The following UBE2D3 variants were observed in gnomAD, a reference collection of about 807,000 sequenced individuals.
The protein encoded by UBE2D3 is ubiquitin conjugating enzyme E2 D3.
A neutral mutation model predicts 22.8 loss-of-function variants in UBE2D3; 2 were observed. The observed-to-expected ratio is 0.09, with a 90% confidence interval of 0.04 to 0.28. The LOEUF (loss-of-function observed/expected upper bound fraction) is 0.28, where lower values mean the gene tolerates loss of function less well. Ranked by LOEUF, UBE2D3 falls within the 10% of genes least tolerant of loss-of-function variation. The pLI, the probability that UBE2D3 is intolerant of heterozygous loss-of-function variation, is 1.00. For missense variants in UBE2D3, 27 were observed against 182.5 expected (o/e 0.15, Z 4.91); for synonymous variants, 56 against 60.4 (o/e 0.93, Z 0.34).
intron 2 of UBE2D3, chr4:102,810,142 TCA>T: frequency 3.2e-6 from 1 of 313,450 alleles, no homozygotes; most frequent in Non-Finnish European, 5.9e-6. Flanking sequence ...TTAGATATTC[TCA>T]TAGTTTAAGA....
At chr4:102,868,589 G>A in intron 1 of UBE2D3, 1 of 1,183,794 alleles carries the variant, frequency 8.4e-7, no homozygotes, top group Admixed American at 1.8e-5. Context: ...AGTAAAATTA[G>A]GCACTGGGGT....
chr4:102,807,518 T>C (rs1727253832), intron 4 of UBE2D3, among the ~76,000 whole-genome samples: 2 of 152,196 alleles, frequency 1.3e-5, no homozygotes, highest in African/African-American at 2.4e-5. Flanking sequence ...CAGTGAGTAC[T>C]GCTACCAAAG....
chr4:102,798,779 T>G, intron 7 of UBE2D3: 1 of 619,222 alleles, frequency 1.6e-6, no homozygotes. Context: ...ACTTTCACGT[T>G]AAACAGAGAC....
At chr4:102,806,689 A>G (rs1040117997) in intron 4 of UBE2D3, among the ~76,000 whole-genome samples, 1 of 152,138 alleles carries the variant, frequency 6.6e-6, no homozygotes, top group African/African-American at 2.4e-5. Context: ...GGTGGGAGTT[A>G]GTGTTGTTCT....
At chr4:102,804,376 C>CT (rs1726692113) in intron 4 of UBE2D3, among the ~76,000 whole-genome samples, 1 of 151,682 alleles carries the variant, frequency 6.6e-6, no homozygotes, top group African/African-American at 2.4e-5. Context: ...TGGCTGAACT[C>CT]TTAACTCCTG....
At chr4:102,849,204 C>CAA (rs58647832) in intron 1 of UBE2D3, among the ~76,000 whole-genome samples, 34 of 143,660 alleles carry the variant, frequency 2.4e-4, no homozygotes, top group Admixed American at 7.6e-4. Flanking sequence ...CCCACTTCTA[C>CAA]AAAAAAAAAA....
upstream of UBE2D3, among the ~76,000 whole-genome samples, chr4:102,829,009 A>G (rs1730952884): frequency 6.6e-6 from 1 of 152,256 alleles, no homozygotes; most frequent in Admixed American, 6.5e-5. Flanking sequence ...ACTGTTGCAG[A>G]AAGTTTTACC....
At chr4:102,853,841 G>A (rs1005276317) in intron 1 of UBE2D3, among the ~76,000 whole-genome samples, 1 of 152,072 alleles carries the variant, frequency 6.6e-6, no homozygotes, top group Non-Finnish European at 1.5e-5. Flanking sequence ...CGCCTACTGT[G>A]AGTTTTATGA....
At chr4:102,814,219 A>G (rs1578245546) in intron 2 of UBE2D3, among the ~76,000 whole-genome samples, 3 of 152,022 alleles carry the variant, frequency 2.0e-5, no homozygotes, top group Admixed American at 6.5e-5. Context: ...GTAACAGAAA[A>G]TATTAACTGA....
chr4:102,806,326 C>T (rs1727034828), intron 4 of UBE2D3, among the ~76,000 whole-genome samples: 1 of 151,962 alleles, frequency 6.6e-6, no homozygotes, highest in Admixed American at 6.6e-5. Flanking sequence ...TTATCTGCTC[C>T]CTACCCTTCT....
intron 1 of UBE2D3, chr4:102,827,164 G>A (rs755731040): frequency 1.1e-4 from 105 of 986,848 alleles, no homozygotes; most frequent in Non-Finnish European, 1.2e-4. Context: ...CCGCCTTCCA[G>A]CGCGCTCCCG....
upstream of UBE2D3, chr4:102,828,121 A>G (rs1003024044): frequency 5.1e-6 from 5 of 985,346 alleles, no homozygotes; most frequent in Non-Finnish European, 4.8e-6. Flanking sequence ...GGCCACTGCC[A>G]GGAAAGCAAC....
rs781396860 is a variant in UBE2D3, at chr4:102,795,295, T to C, written c.*2120A>G. 2 of 152,062 alleles carry C rather than the reference T, an allele frequency of 1.3e-5. No individual in the cohort carries two copies. Among genetic ancestry groups the C allele is most frequent in the Non-Finnish European group, 2.9e-5 (2 of 67,918 alleles). The allele number at this position is 152,062 out of a possible 1,614,324, so 9.4% of individuals were successfully genotyped here. On this transcript the variant is annotated 3_prime_UTR_variant, in exon 8 of 8. Transcript: ENST00000453744. ...TTGAAAGCCAGTTAGGGATCCACCG[T>C]GTTTCATAAAAGTGTCTTACACTCA...
intron 7 of UBE2D3, 71 bp from the exon 8 acceptor site, chr4:102,797,531 T>G (rs1725393173): frequency 2.3e-6 from 3 of 1,295,894 alleles, no homozygotes; most frequent in African/African-American, 3.0e-5. Context: ...AAGGGAAAGA[T>G]TTCCATTTTA....
At chr4:102,816,065 A>G (rs769549745) in intron 2 of UBE2D3, among the ~76,000 whole-genome samples, 2 of 152,236 alleles carry the variant, frequency 1.3e-5, no homozygotes, top group Admixed American at 6.5e-5. Flanking sequence ...AAAAAGTGAG[A>G]AAAGAGTAAG....
chr4:102,853,342 C>T (rs1732469198), intron 1 of UBE2D3, among the ~76,000 whole-genome samples: 1 of 139,084 alleles, frequency 7.2e-6, no homozygotes, highest in African/African-American at 2.8e-5. Flanking sequence ...GTGAATTTAT[C>T]CAGCAGATAT....
chr4:102,801,402 A>G, intron 6 of UBE2D3, 52 bp downstream of exon 6: 2 of 1,470,572 alleles, frequency 1.4e-6, no homozygotes, highest in Non-Finnish European at 1.9e-6. Context: ...TAGATCTAAG[A>G]ATGAAGCTTT....
intron 2 of UBE2D3, among the ~76,000 whole-genome samples, chr4:102,816,945 C>T (rs535885252): frequency 5.3e-5 from 8 of 152,244 alleles, no homozygotes; most frequent in African/African-American, 1.7e-4. Flanking sequence ...ACTTTAACAA[C>T]CTACATGCTT....
At chr4:102,864,425 G>T (rs184393) in intron 1 of UBE2D3, among the ~76,000 whole-genome samples, 1 of 150,382 alleles carries the variant, frequency 6.6e-6, no homozygotes, top group African/African-American at 2.5e-5. Flanking sequence ...TAAATCAAAG[G>T]ATGTTTAGTG....
Sources: gnomAD v4.1 joint callset for allele counts (sites outside exome capture counted in the v4.1 genomes callset) on GRCh38, gnomAD v4.1.1 for gene constraint, MANE v1.5 for transcripts, NCBI Gene and HGNC (gene_info 2026-07-23, HGNC 2026-07-21) for gene names.